Variants in NINJ2 observed in about 807,000 individuals in gnomAD.
NINJ2 encodes the protein ninjurin 2.
A neutral mutation model predicts 11.7 loss-of-function variants in NINJ2; 12 were observed. The ratio of observed to expected loss-of-function variants is 1.02; its 90% CI spans 0.66 to 1.66. NINJ2 has a LOEUF of 1.66. Among genes scored for constraint, NINJ2 ranks in the 40% most tolerant of loss-of-function variants. The pLI is 0.00. For missense variants in NINJ2, 187 were observed against 181.8 expected (o/e 1.03, Z -0.16); for synonymous variants, 93 against 76.8 (o/e 1.21, Z -1.10).
At position 581,814 on chromosome 12, in the gene NINJ2, A is replaced by G. The variant is rs1002875050; in HGVS notation, c.34-15636T>C. On this transcript the variant is annotated intron_variant, in intron 1 of 3. Coordinates refer to ENST00000305108, the MANE Select transcript of NINJ2 (RefSeq NM_016533.6). This position sits in a 1 kb window ranked among gnomAD's most constrained non-coding sequence, Gnocchi z 4.9. The stretch of plus-strand genomic sequence containing the variant: ...AAGCTAGTATCTGGTGAAATAGGTG[A>G]GCTGCTGCCAAACTCAGCAAAACCC... 1.3e-5 allele frequency among the ~76,000 whole-genome samples: 2 copies of G among 152,126 alleles called. No homozygotes were observed. The highest frequency in any genetic ancestry group is 1.3e-4 in the Admixed American group (2 of 15,280).
rs550168086 is a variant in NINJ2 at position 617,457 on chromosome 12, C to T, written c.33+45871G>A. Among the ~76,000 whole-genome samples the T allele has an allele frequency of 2.6e-5, 4 of 152,338 alleles. No homozygotes were observed. The South Asian group carries it at 6.2e-4, about 24-fold the overall frequency. ...AGCATTCCTTCTGCCTCCAGACCTG[C>T]CTCCACAACAGCTGATGAGGCAAGT... On this transcript the variant is annotated intron_variant, in intron 1 of 3. Transcript: ENST00000305108.
At chr12:576,676 G>C (rs763352328) in intron 1 of NINJ2, among the ~76,000 whole-genome samples, 25 of 152,298 alleles carry the variant, frequency 1.6e-4, no homozygotes, top group Non-Finnish European at 2.8e-4. Context: ...CTTTCTCAGG[G>C]AGCATTTTCC....
At chr12:637,949 A>G (rs188060322) in intron 1 of NINJ2, among the ~76,000 whole-genome samples, 9 of 152,338 alleles carry the variant, frequency 5.9e-5, no homozygotes, top group East Asian at 3.9e-4. Flanking sequence ...AAGGACCTCA[A>G]AAAAAGGGAG....
chr12:634,302 C>T (rs193226994), intron 1 of NINJ2, among the ~76,000 whole-genome samples: 297 of 94,028 alleles, frequency 3.2e-3, no homozygotes, highest in African/African-American at 8.7e-3. Flanking sequence ...CACTGTCTCC[C>T]GGGCTGGAGT....
At chr12:646,066 C>G (rs2120511364) in intron 1 of NINJ2, among the ~76,000 whole-genome samples, 1 of 152,276 alleles carries the variant, frequency 6.6e-6, no homozygotes, top group Admixed American at 6.5e-5. Context: ...CACACAATCT[C>G]ACAGGGACAG....
At position 585,013 on chromosome 12, in the gene NINJ2, G is replaced by C. The variant is rs1947612896; in HGVS notation, c.34-18835C>G. Among the ~76,000 whole-genome samples the C allele has an allele frequency of 6.6e-6, 1 of 152,170 alleles. No homozygotes were observed. The highest frequency in any genetic ancestry group is 2.1e-4 in the South Asian group (1 of 4,824). On this transcript the variant is annotated intron_variant, in intron 1 of 3. Coordinates refer to ENST00000305108, the MANE Select transcript of NINJ2 (RefSeq NM_016533.6). This position sits in a 1 kb window ranked among gnomAD's most constrained non-coding sequence, Gnocchi z 4.1. ...GGGCCCCTGTAGTCCCACCTACTTG[G>C]GAGGCTGAGGCAGGAGAATCACTTG...
At chr12:647,278 C>T (rs1937701039) in intron 1 of NINJ2, among the ~76,000 whole-genome samples, 1 of 152,196 alleles carries the variant, frequency 6.6e-6, no homozygotes, top group Non-Finnish European at 1.5e-5. Context: ...TTCACCCGAG[C>T]CCTTCATTAT....
chr12:660,547 G>T lies in NINJ2; in HGVS notation c.33+2781C>A, dbSNP rs545366299. On this transcript the variant is annotated intron_variant, in intron 1 of 3. Coordinates refer to ENST00000305108, the MANE Select transcript of NINJ2 (RefSeq NM_016533.6). ...GTAGAGACAGGGTTTCACTATGTTG[G>T]CCAGGATGGTCTGCAACCCCTGACC... 3.3e-5 allele frequency among the ~76,000 whole-genome samples: 5 copies of T among 151,934 alleles called. No individual in the cohort carries two copies. In the South Asian group the frequency reaches 1.0e-3, roughly 32 times the overall value.
intron 1 of NINJ2, among the ~76,000 whole-genome samples, chr12:623,965 G>A (rs1948184263): frequency 6.6e-6 from 1 of 152,206 alleles, no homozygotes; most frequent in South Asian, 2.1e-4. Context: ...GAGCTCAGGA[G>A]GTCAAGGCTG....
At chr12:601,430 C>T (rs1263234943) in intron 1 of NINJ2, among the ~76,000 whole-genome samples, 2 of 151,884 alleles carry the variant, frequency 1.3e-5, no homozygotes, top group Non-Finnish European at 2.9e-5. Flanking sequence ...CGCCTGTAGT[C>T]CCAGCTACAG....
intron 3 of NINJ2, 65 bp from the exon 4 acceptor site, chr12:564,746 G>C (rs1947267761): frequency 6.5e-6 from 1 of 152,702 alleles, no homozygotes; most frequent in African/African-American, 2.4e-5. Flanking sequence ...TCAACCTTCA[G>C]CATGCCCAGG....
At chr12:635,655 T>C (rs1020643466) in intron 1 of NINJ2, among the ~76,000 whole-genome samples, 1 of 152,188 alleles carries the variant, frequency 6.6e-6, no homozygotes, top group Non-Finnish European at 1.5e-5. Context: ...GGAAAAATCT[T>C]CATGACATTG....
chr12:642,771 G>A (rs1041264338), intron 1 of NINJ2: 1 of 152,278 alleles, frequency 6.6e-6, no homozygotes, highest in African/African-American at 2.4e-5. Flanking sequence ...CGCGGGGGAA[G>A]GAAGAGATGA....
chr12:654,902 AAAG>A (rs918993080), intron 1 of NINJ2, among the ~76,000 whole-genome samples: 8 of 151,848 alleles, frequency 5.3e-5, no homozygotes, highest in Non-Finnish European at 8.8e-5. Flanking sequence ...AAAAAAAAAA[AAAG>A]AGAATAAAAT....
chr12:644,236 C>G (rs548332961), intron 1 of NINJ2: 7 of 152,784 alleles, frequency 4.6e-5, no homozygotes, highest in Non-Finnish European at 1.0e-4. Context: ...GTTCCTCAAA[C>G]CTAAATGTGG....
At chr12:573,658 A>C (rs1947411682) in intron 1 of NINJ2, among the ~76,000 whole-genome samples, 1 of 152,208 alleles carries the variant, frequency 6.6e-6, no homozygotes, top group African/African-American at 2.4e-5. Context: ...CCTAAGATGA[A>C]AGAAGACTAG....
chr12:574,284 A>C (rs1226127201), intron 1 of NINJ2, among the ~76,000 whole-genome samples: 1 of 152,184 alleles, frequency 6.6e-6, no homozygotes, highest in Non-Finnish European at 1.5e-5. Flanking sequence ...ATATTGTGCC[A>C]CTGTACTCCA....
chr12:599,975 G>GC (rs1755418538), intron 1 of NINJ2, among the ~76,000 whole-genome samples: 1 of 152,184 alleles, frequency 6.6e-6, no homozygotes, highest in African/African-American at 2.4e-5. Context: ...AGCTGCCAGG[G>GC]CCCCGATACT....
intron 1 of NINJ2, among the ~76,000 whole-genome samples, chr12:630,489 C>T (rs1327035507): frequency 2.0e-5 from 3 of 152,118 alleles, no homozygotes; most frequent in Non-Finnish European, 4.4e-5. Flanking sequence ...ATTCTCCTGC[C>T]TCAGCCTCCC....
Sources: allele counts gnomAD v4.1 joint callset (sites outside exome capture counted in the v4.1 genomes callset), GRCh38; gene constraint gnomAD v4.1.1; non-coding constraint Gnocchi (gnomAD v3.1); transcripts MANE v1.5; gene names NCBI Gene and HGNC (gene_info 2026-07-23, HGNC 2026-07-21).